Variants in HDAC9 observed in about 807,000 individuals in gnomAD.
HDAC9 encodes MEF-2 interacting transcription repressor (MITR) protein.
Under a neutral mutation model 139.4 loss-of-function variants are expected in HDAC9, and 41 were observed. The ratio of observed to expected loss-of-function variants is 0.29; its 90% CI spans 0.23 to 0.38. The LOEUF (loss-of-function observed/expected upper bound fraction) is 0.38. Ranked by LOEUF, HDAC9 falls within the 10% of genes least tolerant of loss-of-function variation. The pLI, the probability that HDAC9 is intolerant of heterozygous loss-of-function variation, is 1.00. For synonymous variants in HDAC9, 517 were observed against 476.2 expected (o/e 1.09, Z -1.12); for missense variants, 1,147 against 1,297.0 (o/e 0.88, Z 1.78).
At chr7:18,428,578 T>A (rs1790337838) in intron 1 of HDAC9, among the ~76,000 whole-genome samples, 1 of 152,190 alleles carries the variant, frequency 6.6e-6, no homozygotes, top group African/African-American at 2.4e-5. Flanking sequence ...TATCACTTTA[T>A]ACCTGTTAGG....
intron 13 of HDAC9, among the ~76,000 whole-genome samples, chr7:18,730,654 G>C (rs1403080647): frequency 6.6e-6 from 1 of 152,156 alleles, no homozygotes; most frequent in Non-Finnish European, 1.5e-5. Context: ...TCTTAACTAA[G>C]CACTTTTCAC....
rs1157273871 is a variant in HDAC9, at chr7:18,999,856, CT to C, written c.*3796del. The C allele has an allele frequency of 6.7e-6, 1 of 150,372 alleles. No homozygotes were observed. Among genetic ancestry groups the C allele is most frequent in the Non-Finnish European group, 1.5e-5 (1 of 67,598 alleles). The allele number at this position is 150,372 out of a possible 1,614,324, so 9.3% of individuals were successfully genotyped here. A position where few individuals can be genotyped will look rare whatever the true frequency, so the allele number is the denominator to read the frequency against. Reference sequence around the variant, plus strand: ...TCTCAATGAAAGAAGTATTAAAAGTCTTATGGCCCCAAAAGAAACAAGCCAA... The same window carrying C: ...TCTCAATGAAAGAAGTATTAAAAGTCTATGGCCCCAAAAGAAACAAGCCAA... On this transcript the variant is annotated 3_prime_UTR_variant, in exon 26 of 26. Coordinates refer to ENST00000686413, the MANE Select transcript of HDAC9 (RefSeq NM_178425.4).
chr7:18,327,047 G>A (rs1800503031), intron 1 of HDAC9, among the ~76,000 whole-genome samples: 1 of 151,774 alleles, frequency 6.6e-6, no homozygotes, highest in Non-Finnish European at 1.5e-5. Flanking sequence ...ACCCATTAAT[G>A]TCCATATAGA....
intron 2 of HDAC9, among the ~76,000 whole-genome samples, chr7:18,577,007 C>T (rs1176584253): frequency 6.6e-6 from 1 of 152,208 alleles, no homozygotes. Flanking sequence ...TTCCACCAGA[C>T]ATAAACTGTT....
intron 1 of HDAC9, among the ~76,000 whole-genome samples, chr7:18,393,075 A>T (rs181506677): frequency 2.0e-5 from 3 of 152,150 alleles, no homozygotes; most frequent in Admixed American, 2.0e-4. Context: ...TTAAAATCTT[A>T]AGTAAATACA....
chr7:18,915,303 A>T (rs984737284), intron 22 of HDAC9, among the ~76,000 whole-genome samples: 2 of 152,084 alleles, frequency 1.3e-5, no homozygotes, highest in African/African-American at 2.4e-5. Flanking sequence ...AGAACTGGTT[A>T]CTTTAAGAGC....
intron 1 of HDAC9, among the ~76,000 whole-genome samples, chr7:18,111,457 C>G (rs1191456848): frequency 6.6e-6 from 1 of 152,128 alleles, no homozygotes; most frequent in African/African-American, 2.4e-5. Context: ...AGTATCACTG[C>G]CCCTCGGTAT....
intron 2 of HDAC9, among the ~76,000 whole-genome samples, chr7:18,541,316 C>CT (rs1812862747): frequency 6.6e-6 from 1 of 151,974 alleles, no homozygotes; most frequent in African/African-American, 2.4e-5. Context: ...GTGACCTTGG[C>CT]AGCCCGGTGT....
rs745581313 is a variant in HDAC9 at position 18,666,284 on chromosome 7, G to C, written c.1539G>C (p.Gln513His). 58 of 1,613,372 alleles carry C rather than the reference G, an allele frequency of 3.6e-5. 2 individuals are homozygous for C. The South Asian group carries it at 6.3e-4, about 17-fold the overall frequency. Residue 513 changes from glutamine (Q) to histidine (H), a missense_variant, in exon 12 of 26, where the codon CAG becomes CAC. Physicochemically the swap from Gln to His is conservative, Grantham distance 24. Around this residue, in one of 7 missense-constraint regions of HDAC9, gnomAD observed 256 missense variants for 219.2 expected, o/e 1.17. Transcript: ENST00000686413. ...TTGAGGAAGCAGAGGAAGAGCTTCAGGGGGACCAGGCGATGCAGGAAGACA... is the reference window on the plus strand; with the variant it reads ...TTGAGGAAGCAGAGGAAGAGCTTCACGGGGACCAGGCGATGCAGGAAGACA... ...SHLEEAEEEL[Q>H]GDQAMQEDRA... is the part of the protein sequence containing the mutation.
intron 12 of HDAC9, among the ~76,000 whole-genome samples, chr7:18,688,330 T>C (rs1044702626): frequency 6.6e-6 from 1 of 151,836 alleles, no homozygotes; most frequent in Non-Finnish European, 1.5e-5. Flanking sequence ...CGGGAATGCA[T>C]TTCTAAACTT....
At chr7:18,913,675 A>T (rs541747713) in intron 22 of HDAC9, among the ~76,000 whole-genome samples, 1 of 152,208 alleles carries the variant, frequency 6.6e-6, no homozygotes. Context: ...TAGATGTGAA[A>T]ATGCAGTTTC....
intron 23 of HDAC9, among the ~76,000 whole-genome samples, chr7:18,936,483 C>T (rs939915071): frequency 1.3e-5 from 2 of 152,072 alleles, no homozygotes; most frequent in East Asian, 3.9e-4. Context: ...GGCCAAAGAC[C>T]ATTATATTTT....
intron 2 of HDAC9, among the ~76,000 whole-genome samples, chr7:18,534,712 G>A (rs974360278): frequency 6.6e-6 from 1 of 152,186 alleles, no homozygotes; most frequent in Non-Finnish European, 1.5e-5. Context: ...GGGTGAGTGT[G>A]CTTTGTGGAA....
At position 18,611,527 on chromosome 7, in the gene HDAC9, T is replaced by G. The variant is rs932336144; in HGVS notation, c.664+17498T>G. 3.5e-4 allele frequency among the ~76,000 whole-genome samples: 53 copies of G among 152,088 alleles called. 1 individual carries two copies. Among genetic ancestry groups the G allele is most frequent in the African/African-American group, 1.2e-3 (48 of 41,428 alleles). Reference sequence around the variant, plus strand: ...GATGAGAGAACCGTCACAGAGAGGTTTACTAACTTTCCTAAGGTCTGATTT... The same window carrying G: ...GATGAGAGAACCGTCACAGAGAGGTGTACTAACTTTCCTAAGGTCTGATTT... On this transcript the variant is annotated intron_variant, in intron 6 of 25. Coordinates refer to ENST00000686413, the MANE Select transcript of HDAC9 (RefSeq NM_178425.4).
intron 12 of HDAC9, among the ~76,000 whole-genome samples, chr7:18,702,312 T>G (rs1478558458): frequency 6.6e-6 from 1 of 152,176 alleles, no homozygotes. Context: ...GAAAAGGCAC[T>G]TGGGGGCCGT....
chr7:18,580,695 G>T (rs1250490418), intron 2 of HDAC9, among the ~76,000 whole-genome samples: 1 of 152,124 alleles, frequency 6.6e-6, no homozygotes, highest in Non-Finnish European at 1.5e-5. Flanking sequence ...AATTTTTGAG[G>T]AATTTGCATG....
At chr7:18,939,154 C>G (rs1404026282) in intron 23 of HDAC9, among the ~76,000 whole-genome samples, 1 of 152,140 alleles carries the variant, frequency 6.6e-6, no homozygotes, top group Admixed American at 6.5e-5. Flanking sequence ...TCTTCAGTTG[C>G]ATAAGCACAA....
intron 2 of HDAC9, among the ~76,000 whole-genome samples, chr7:18,163,408 A>C (rs1787789608): frequency 6.6e-6 from 1 of 152,196 alleles, no homozygotes; most frequent in South Asian, 2.1e-4. Context: ...TTTATTGCCT[A>C]GTGGTTCTCA....
At chr7:18,374,655 T>C (rs1264024735) in intron 1 of HDAC9, among the ~76,000 whole-genome samples, 1 of 152,078 alleles carries the variant, frequency 6.6e-6, no homozygotes, top group Non-Finnish European at 1.5e-5. Context: ...CCACTGTATA[T>C]GTGTTCAGTC....
Sources: gnomAD v4.1 joint callset for allele counts (sites outside exome capture counted in the v4.1 genomes callset) on GRCh38, gnomAD v4.1.1 for gene constraint, gnomAD v4.1.1 regional missense constraint, MANE v1.5 for transcripts, NCBI Gene and HGNC (gene_info 2026-07-23, HGNC 2026-07-21) for gene names.